Variants in RHEX observed in about 807,000 individuals in gnomAD.
The protein encoded by RHEX is regulator of hemoglobinization and erythroid cell expansion protein.
RHEX carries 18 observed loss-of-function variants against 20.1 expected under a neutral mutation model. The ratio of observed to expected loss-of-function variants is 0.90; its 90% CI spans 0.62 to 1.33. RHEX has a LOEUF of 1.33. Among genes scored for constraint, RHEX ranks in the 40% most tolerant of loss-of-function variants. The pLI, the probability that RHEX is intolerant of heterozygous loss-of-function variation, is 0.00. For missense variants in RHEX, 192 were observed against 214.3 expected, an observed-to-expected ratio of 0.90 and a Z score of 0.65; for synonymous variants, 87 against 77.1, an observed-to-expected ratio of 1.13 and a Z score of -0.67.
At chr1:206,070,202 G>A (rs988350727) in intron 1 of RHEX, among the ~76,000 whole-genome samples, 2 of 152,232 alleles carry the variant, frequency 1.3e-5, no homozygotes, top group Admixed American at 6.5e-5. Context: ...CTACCAGCTC[G>A]CCCTCAGTAG....
At chr1:206,071,546 C>CAAAA (rs35408708) in intron 1 of RHEX, among the ~76,000 whole-genome samples, 2 of 95,896 alleles carry the variant, frequency 2.1e-5, no homozygotes, top group Non-Finnish European at 4.7e-5. Flanking sequence ...GTTGAAAATG[C>CAAAA]AAAAAAAAAA....
intron 1 of RHEX, among the ~76,000 whole-genome samples, chr1:206,070,281 A>G (rs1189692097): frequency 1.3e-5 from 2 of 152,066 alleles, no homozygotes; most frequent in Non-Finnish European, 2.9e-5. Context: ...CCATCCCCCT[A>G]TATCCACGGC....
At chr1:206,097,684 A>G in intron 1 of RHEX, 49 bp from the exon 2 acceptor site, 1 of 1,273,740 alleles carries the variant, frequency 7.9e-7, no homozygotes, top group East Asian at 2.4e-5. Context: ...CCCAAGGGAA[A>G]TTTGTATAAA....
intron 1 of RHEX, among the ~76,000 whole-genome samples, chr1:206,058,140 A>G (rs1662233067): frequency 6.6e-6 from 1 of 152,274 alleles, no homozygotes; most frequent in South Asian, 2.1e-4. Flanking sequence ...TGTGGCACGG[A>G]CTCAATCTGG....
At chr1:206,082,626 T>G (rs1478386862) in intron 1 of RHEX, among the ~76,000 whole-genome samples, 1 of 152,192 alleles carries the variant, frequency 6.6e-6, no homozygotes, top group Non-Finnish European at 1.5e-5. Flanking sequence ...AACAACCTTA[T>G]GAGATTTAAA....
At chr1:206,082,156 C>T (rs782105939) in intron 1 of RHEX, among the ~76,000 whole-genome samples, 8 of 152,170 alleles carry the variant, frequency 5.3e-5, no homozygotes, top group Admixed American at 1.3e-4. Flanking sequence ...GATACATCAA[C>T]GGGTCATAAA....
chr1:206,095,170 C>T (rs115231339), intron 1 of RHEX, among the ~76,000 whole-genome samples: 517 of 151,804 alleles, frequency 3.4e-3, no homozygotes, highest in Non-Finnish European at 5.1e-3. Flanking sequence ...GAAATGATAC[C>T]GTAAAACTCA....
At position 206,067,280 on chromosome 1, in the gene RHEX, G is replaced by C. The variant is rs1310962457; in HGVS notation, c.-97+14015G>C. ...ATCAGATTTCATTCTGGTTCCACAG[G>C]GGACTCCAGAACGTGATTCCCGGTC... On this transcript the variant is annotated intron_variant, in intron 1 of 5. Transcript: ENST00000331555. This position sits in a 1 kb window ranked among gnomAD's most constrained non-coding sequence, Gnocchi z 4.6. Among the ~76,000 whole-genome samples the C allele has an allele frequency of 6.6e-6, 1 of 152,106 alleles. No individual in the cohort carries two copies. The highest frequency in any genetic ancestry group is 1.5e-5 in the Non-Finnish European group (1 of 68,002).
chr1:206,094,270 G>A (rs1333050937), intron 1 of RHEX, among the ~76,000 whole-genome samples: 2 of 151,890 alleles, frequency 1.3e-5, no homozygotes, highest in South Asian at 2.1e-4. Context: ...AGACCCCAAG[G>A]AACAACCTGC....
chr1:206,093,429 C>T (rs1331211634), intron 1 of RHEX, among the ~76,000 whole-genome samples: 2 of 152,046 alleles, frequency 1.3e-5, no homozygotes, highest in Non-Finnish European at 2.9e-5. Flanking sequence ...TGCCACCATG[C>T]CCGGCTAATT....
intron 1 of RHEX, among the ~76,000 whole-genome samples, chr1:206,065,159 T>C (rs1173600285): frequency 1.3e-5 from 2 of 152,180 alleles, no homozygotes; most frequent in African/African-American, 2.4e-5. Flanking sequence ...CAGGGTCTTC[T>C]GCCTAGGAAA....
intron 1 of RHEX, chr1:206,061,850 G>C (rs1277783486): frequency 1.3e-5 from 2 of 152,088 alleles, no homozygotes; most frequent in South Asian, 2.1e-4. Context: ...TCAGAGTGGG[G>C]GTCAGACCTG....
chr1:206,059,709 C>G (rs1434888524), intron 1 of RHEX, among the ~76,000 whole-genome samples: 1 of 152,152 alleles, frequency 6.6e-6, no homozygotes, highest in Non-Finnish European at 1.5e-5. Context: ...GATTCCTCAC[C>G]TATACAATGG....
chr1:206,083,720 TGTA>T (rs1393636933), intron 1 of RHEX: 1 of 829,770 alleles, frequency 1.2e-6, no homozygotes, highest in African/African-American at 1.8e-5. Context: ...AGCATATATG[TGTA>T]GAAGTTTTAG....
intron 1 of RHEX, among the ~76,000 whole-genome samples, chr1:206,076,450 G>A (rs1273964934): frequency 6.6e-6 from 1 of 152,236 alleles, no homozygotes; most frequent in Non-Finnish European, 1.5e-5. Flanking sequence ...ACAGGCATAA[G>A]CCACTGCACC....
chr1:206,058,937 T>G (rs1662253275), intron 1 of RHEX, among the ~76,000 whole-genome samples: 1 of 152,104 alleles, frequency 6.6e-6, no homozygotes, highest in Non-Finnish European at 1.5e-5. Context: ...CTCAAGCACT[T>G]TCATGACATC....
At chr1:206,068,666 G>T (rs1167318085) in intron 1 of RHEX, among the ~76,000 whole-genome samples, 2 of 152,120 alleles carry the variant, frequency 1.3e-5, no homozygotes, top group African/African-American at 4.8e-5. Flanking sequence ...ACAGTTCAAG[G>T]GATTGAGCCA....
At chr1:206,101,689 G>T in intron 5 of RHEX, 63 bp from the exon 6 acceptor site, 1 of 1,270,734 alleles carries the variant, frequency 7.9e-7, no homozygotes, top group East Asian at 2.4e-5. Context: ...TTCAGTCCTG[G>T]GGTCTTATTT....
chr1:206,058,103 C>A (rs1662231703), intron 1 of RHEX, among the ~76,000 whole-genome samples: 1 of 152,232 alleles, frequency 6.6e-6, no homozygotes, highest in African/African-American at 2.4e-5. Flanking sequence ...AAAGATATAA[C>A]AAAACTGGCA....
Sources: gnomAD v4.1 joint callset for allele counts (sites outside exome capture counted in the v4.1 genomes callset) on GRCh38, gnomAD v4.1.1 for gene constraint, Gnocchi (gnomAD v3.1) non-coding constraint, MANE v1.5 for transcripts, NCBI Gene and HGNC (gene_info 2026-07-23, HGNC 2026-07-21) for gene names.